The following KDM5A variants were observed in gnomAD, a reference collection of about 807,000 sequenced individuals.
The protein encoded by KDM5A is lysine-specific demethylase 5A.
KDM5A carries 42 observed loss-of-function variants against 193.5 expected under a neutral mutation model. The ratio of observed to expected loss-of-function variants is 0.22; its 90% confidence interval spans 0.17 to 0.28. KDM5A has a LOEUF of 0.28. Among genes scored for constraint, KDM5A ranks in the 10% least tolerant of loss-of-function variants. The pLI is 1.00. For synonymous variants in KDM5A, 796 were observed against 718.1 expected, an observed-to-expected ratio of 1.11 and a Z score of -1.73; for missense variants, 1,692 against 2,055.1, an observed-to-expected ratio of 0.82 and a Z score of 3.42.
chr12:389,256 G>A lies in KDM5A; in HGVS notation c.-165C>T, dbSNP rs1041340922. ...CCAGAATCGCTTCCTCCTCCCGTTT[G>A]TTATTGTTTCTTGCAAGGCTTTTCC... On this transcript the variant is annotated 5_prime_UTR_variant, in exon 1 of 28. Coordinates refer to ENST00000399788, the MANE Select transcript of KDM5A (RefSeq NM_001042603.3). The A allele has an allele frequency of 1.3e-6, 1 of 758,992 alleles. No individual in the cohort carries two copies. Among genetic ancestry groups the A allele is most frequent in the Non-Finnish European group, 2.3e-6 (1 of 431,770 alleles). The allele number at this position is 758,992 out of a possible 1,614,324, so 47.0% of individuals were successfully genotyped here. A position where few individuals can be genotyped will look rare whatever the true frequency, so the allele number is the denominator to read the frequency against.
At chr12:376,950 A>G (rs1944512957) in intron 3 of KDM5A, among the ~76,000 whole-genome samples, 1 of 152,220 alleles carries the variant, frequency 6.6e-6, no homozygotes, top group Non-Finnish European at 1.5e-5. Context: ...GTGCCTTACA[A>G]CAGAGGAAAG....
intron 14 of KDM5A, among the ~76,000 whole-genome samples, chr12:324,732 G>A (rs1035828549): frequency 1.3e-5 from 2 of 152,058 alleles, no homozygotes; most frequent in Non-Finnish European, 1.5e-5. Context: ...AGTTAGCCGG[G>A]CGTGGTGATG....
At chr12:349,818 C>G (rs1944131037) in intron 10 of KDM5A, among the ~76,000 whole-genome samples, 1 of 151,478 alleles carries the variant, frequency 6.6e-6, no homozygotes, top group South Asian at 2.1e-4. Context: ...TCATTGCACT[C>G]AGCTTAAATT....
chr12:372,775 TA>T (rs1944446392), intron 3 of KDM5A, among the ~76,000 whole-genome samples: 3 of 152,212 alleles, frequency 2.0e-5, no homozygotes, highest in African/African-American at 7.2e-5. Context: ...CATCAATACC[TA>T]ATTTATTGAG....
chr12:289,248 C>T (rs1324486138), intron 27 of KDM5A, among the ~76,000 whole-genome samples: 4 of 152,084 alleles, frequency 2.6e-5, no homozygotes, highest in Admixed American at 6.6e-5. Flanking sequence ...AAAAATACTA[C>T]TTAAATTAGT....
At chr12:365,219 A>AT (rs1341635831) in intron 4 of KDM5A, among the ~76,000 whole-genome samples, 1 of 151,942 alleles carries the variant, frequency 6.6e-6, no homozygotes, top group Non-Finnish European at 1.5e-5. Flanking sequence ...TACCTGGCTA[A>AT]TTTTTTGTAT....
At chr12:383,991 C>T (rs762028954) in intron 3 of KDM5A, 40 bp downstream of exon 3, 2 of 1,603,454 alleles carry the variant, frequency 1.2e-6, no homozygotes, top group South Asian at 1.1e-5. Context: ...CCTAAATTCA[C>T]AAGCCTGTGC....
chr12:377,203 G>C (rs1944517074), intron 3 of KDM5A, among the ~76,000 whole-genome samples: 1 of 152,248 alleles, frequency 6.6e-6, no homozygotes, highest in South Asian at 2.1e-4. Flanking sequence ...AGCAGAGTTT[G>C]AAGAGAAGGG....
intron 3 of KDM5A, among the ~76,000 whole-genome samples, chr12:379,907 C>A (rs905064972): frequency 6.6e-6 from 1 of 152,166 alleles, no homozygotes; most frequent in African/African-American, 2.4e-5. Context: ...TTGTGAACAA[C>A]TAAGTATTCA....
chr12:339,178 C>CA (rs71687052), intron 10 of KDM5A, among the ~76,000 whole-genome samples: 8,543 of 107,204 alleles, frequency 0.08, 356 homozygotes, highest in Middle Eastern at 0.12. Context: ...AACCCCATCT[C>CA]AAAAAAAAAA....
In KDM5A at chr12:331,852, A is replaced by G. The variant is rs374273372; in HGVS notation, c.1740T>C (p.Phe580=). The G allele has an allele frequency of 2.5e-6, 4 of 1,614,132 alleles. No homozygotes were observed. Among genetic ancestry groups the G allele is most frequent in the Non-Finnish European group, 2.5e-6 (3 of 1,179,966 alleles). The change falls in exon 13 of 28, where the codon TTT becomes TTC. Residue 580 remains phenylalanine (F), a synonymous_variant. Coordinates refer to ENST00000399788, the MANE Select transcript of KDM5A (RefSeq NM_001042603.3). ...CAGTACAGAAGTTCACAGCTTCAGC[A>G]AAGTTGTAGCCCTGGTTAAATCCAG... The part of the protein sequence containing the change: ...YHSGFNQGYN[F]AEAVNFCTAD...
chr12:340,270 C>A (rs1943984545), intron 10 of KDM5A, among the ~76,000 whole-genome samples: 1 of 152,154 alleles, frequency 6.6e-6, no homozygotes. Flanking sequence ...TAGTTAGAAT[C>A]TGAGGCCTCC....
intron 3 of KDM5A, among the ~76,000 whole-genome samples, chr12:369,995 G>A (rs1944405623): frequency 6.6e-6 from 1 of 152,114 alleles, no homozygotes. Flanking sequence ...CATTACTTTG[G>A]CTCCACGCAT....
chr12:336,166 C>A (rs1943930431), intron 10 of KDM5A, among the ~76,000 whole-genome samples: 1 of 151,502 alleles, frequency 6.6e-6, no homozygotes, highest in African/African-American at 2.4e-5. Flanking sequence ...TGAGACCAGC[C>A]TGGTCAACAT....
At chr12:364,507 C>T (rs1944329444) in intron 4 of KDM5A, among the ~76,000 whole-genome samples, 1 of 149,644 alleles carries the variant, frequency 6.7e-6, no homozygotes, top group East Asian at 2.0e-4. Context: ...CATAAACGGC[C>T]GGGCGCAGTG....
chr12:386,683 T>TAAAAGA (rs962708482), intron 1 of KDM5A, among the ~76,000 whole-genome samples: 1 of 152,112 alleles, frequency 6.6e-6, no homozygotes, highest in African/African-American at 2.4e-5. Context: ...CCTATCTCTA[T>TAAAAGA]AAAAGAAAAA....
At chr12:388,077 A>C (rs1944667252) in intron 1 of KDM5A, among the ~76,000 whole-genome samples, 1 of 152,212 alleles carries the variant, frequency 6.6e-6, no homozygotes, top group African/African-American at 2.4e-5. Context: ...GCATTTAAAC[A>C]AGCATCCAGT....
chr12:320,561 C>T (rs1057097788), intron 18 of KDM5A, among the ~76,000 whole-genome samples: 24 of 151,752 alleles, frequency 1.6e-4, no homozygotes, highest in African/African-American at 5.6e-4. Flanking sequence ...AACACAAAAA[C>T]ACCCCAAACT....
chr12:346,812 C>T (rs1205758526), intron 10 of KDM5A, among the ~76,000 whole-genome samples: 78 of 152,142 alleles, frequency 5.1e-4, no homozygotes, highest in Non-Finnish European at 1.0e-4. Flanking sequence ...CAATATCATA[C>T]TGAATGGGCA....
Sources: allele counts gnomAD v4.1 joint callset (sites outside exome capture counted in the v4.1 genomes callset), GRCh38; gene constraint gnomAD v4.1.1; transcripts MANE v1.5; gene names NCBI Gene and HGNC (gene_info 2026-07-23, HGNC 2026-07-21).